The following BAIAP2L1 variants were observed in gnomAD, a reference collection of about 807,000 sequenced individuals.
BAIAP2L1 encodes the protein BAR/IMD domain-containing adapter protein 2-like 1.
BAIAP2L1 carries 35 observed loss-of-function variants against 66.3 expected under a neutral mutation model. The ratio of observed to expected loss-of-function variants is 0.53; its 90% CI spans 0.40 to 0.70. The LOEUF is 0.70. Among genes scored for constraint, BAIAP2L1 ranks in the 30% least tolerant of loss-of-function variants. BAIAP2L1 has a pLI of 0.00. For missense variants in BAIAP2L1, 622 were observed against 656.9 expected (o/e 0.95, Z 0.58); for synonymous variants, 269 against 248.7 (o/e 1.08, Z -0.77).
At chr7:98,352,487 T>C (rs767736205) in intron 3 of BAIAP2L1, among the ~76,000 whole-genome samples, 2 of 151,722 alleles carry the variant, frequency 1.3e-5, no homozygotes, top group Admixed American at 6.6e-5. Flanking sequence ...ACTAAAAATA[T>C]GAAAATTAGC....
intron 3 of BAIAP2L1, among the ~76,000 whole-genome samples, chr7:98,354,462 C>T (rs1859482): frequency 0.39 from 58,539 of 152,036 alleles, 12,648 homozygotes; most frequent in Middle Eastern, 0.55. Context: ...TGTGTGGGGC[C>T]GTTTTAAAAG....
At chr7:98,367,415 G>C (rs1314023258) in intron 1 of BAIAP2L1, among the ~76,000 whole-genome samples, 1 of 152,042 alleles carries the variant, frequency 6.6e-6, no homozygotes. Flanking sequence ...CTGTTGCCCA[G>C]GTTGGAGTGC....
At chr7:98,312,387 G>T in intron 7 of BAIAP2L1, 123 bp from the exon 8 acceptor site, 2 of 1,085,060 alleles carry the variant, frequency 1.8e-6, no homozygotes, top group Non-Finnish European at 2.6e-6. Context: ...TGGGGGCCCT[G>T]GGTTAAACTC....
At chr7:98,400,667 G>T (rs944932627) in intron 1 of BAIAP2L1, 135 bp downstream of exon 1, 4 of 1,002,582 alleles carry the variant, frequency 4.0e-6, no homozygotes, top group African/African-American at 3.3e-5. Context: ...GGGAGGAGTG[G>T]GAGAGACCGG....
Position 98,393,885 on chromosome 7 carries a change from C to T in BAIAP2L1, c.51+6917G>A, listed in dbSNP as rs1263246990. ...TTGGGAGGCCGAGGCGGGCGGATCA[C>T]CTGAAGTCGGGAGTTCGAGACCAGC... On this transcript the variant is annotated intron_variant, in intron 1 of 13. Transcript: ENST00000005260. 4.1e-5 allele frequency among the ~76,000 whole-genome samples: 6 copies of T among 148,084 alleles called. 1 individual carries two copies. The South Asian group carries it at 1.1e-3, about 26-fold the overall frequency.
At chr7:98,318,434 G>A (rs1049149370) in intron 5 of BAIAP2L1, among the ~76,000 whole-genome samples, 14 of 151,784 alleles carry the variant, frequency 9.2e-5, no homozygotes, top group African/African-American at 3.4e-4. Flanking sequence ...GATTACAGGC[G>A]CACACAACCA....
chr7:98,328,761 G>A (rs76674306), intron 3 of BAIAP2L1, among the ~76,000 whole-genome samples: 166 of 151,520 alleles, frequency 1.1e-3, no homozygotes, highest in Non-Finnish European at 2.2e-3. Flanking sequence ...TTTTCTAGGC[G>A]AGTACTTGTT....
intron 10 of BAIAP2L1, chr7:98,307,086 A>C (rs1800687487): frequency 6.2e-6 from 1 of 160,640 alleles, no homozygotes; most frequent in African/African-American, 2.4e-5. Context: ...TCTGATATGC[A>C]GATTATCTTC....
intron 1 of BAIAP2L1, chr7:98,385,825 C>T (rs1802877011): frequency 6.5e-7 from 1 of 1,535,128 alleles, no homozygotes; most frequent in South Asian, 1.1e-5. Context: ...TGGTTCATAT[C>T]CATCAGCTCG....
intron 1 of BAIAP2L1, among the ~76,000 whole-genome samples, chr7:98,366,244 C>T (rs1469394630): frequency 6.6e-6 from 1 of 152,206 alleles, no homozygotes; most frequent in Non-Finnish European, 1.5e-5. Flanking sequence ...GTTCTGCCTC[C>T]TCCACCCTTG....
chr7:98,362,819 T>C (rs1584486536), intron 1 of BAIAP2L1, among the ~76,000 whole-genome samples: 1 of 152,204 alleles, frequency 6.6e-6, no homozygotes, highest in Admixed American at 6.5e-5. Context: ...ATCAGCTACC[T>C]GTACTTACTT....
chr7:98,298,734 A>G (rs1010999425), intron 12 of BAIAP2L1, among the ~76,000 whole-genome samples: 4 of 152,212 alleles, frequency 2.6e-5, no homozygotes, highest in Non-Finnish European at 4.4e-5. Context: ...TGGTTAGGGA[A>G]AGCTAAGTTA....
intron 3 of BAIAP2L1, among the ~76,000 whole-genome samples, chr7:98,331,465 C>CTT (rs34202570): frequency 0.4 from 45,827 of 115,396 alleles, 10,067 homozygotes; most frequent in Non-Finnish European, 0.49. Context: ...AAAGAAAAAT[C>CTT]TTTTTTTTTT....
chr7:98,359,336 G>A (rs983443700), intron 2 of BAIAP2L1, among the ~76,000 whole-genome samples: 8 of 147,876 alleles, frequency 5.4e-5, no homozygotes, highest in Non-Finnish European at 1.2e-4. Context: ...GCAATGGCAC[G>A]ATCTCTGCTC....
chr7:98,350,977 C>T (rs993867111), intron 3 of BAIAP2L1, among the ~76,000 whole-genome samples: 6 of 152,276 alleles, frequency 3.9e-5, no homozygotes, highest in South Asian at 2.1e-4. Flanking sequence ...CTGTATCAGC[C>T]TCTCAAGTAG....
intron 7 of BAIAP2L1, among the ~76,000 whole-genome samples, chr7:98,315,186 A>G (rs746425797): frequency 1.6e-4 from 24 of 152,208 alleles, no homozygotes; most frequent in Admixed American, 5.9e-4. Context: ...CAGTGGCACA[A>G]TCATGGCTCA....
In BAIAP2L1 at chr7:98,323,651, C is replaced by T. The variant is rs1192037538; in HGVS notation, c.215-3353G>A. 2.6e-5 allele frequency among the ~76,000 whole-genome samples: 4 copies of T among 152,236 alleles called. No homozygotes were observed. In the South Asian group the frequency reaches 6.2e-4, roughly 24 times the overall value. On this transcript the variant is annotated intron_variant, in intron 3 of 13. Transcript: ENST00000005260. ...CTCTGGGCACGCTCCATGCTCCTGC[C>T]CGTGGCTTCCCGCAGCATGGCGGAG...
At chr7:98,308,001 A>G in intron 9 of BAIAP2L1, 105 bp from the exon 10 acceptor site, 2 of 1,099,140 alleles carry the variant, frequency 1.8e-6, no homozygotes, top group Non-Finnish European at 2.8e-6. Flanking sequence ...TCTTGCCAAC[A>G]ATGCTCCTTC....
chr7:98,387,703 GAAAA>G (rs3062634), intron 1 of BAIAP2L1, among the ~76,000 whole-genome samples: 1 of 145,390 alleles, frequency 6.9e-6, no homozygotes, highest in African/African-American at 2.5e-5. Flanking sequence ...GTCTCTACAA[GAAAA>G]AAAAAAAAAA....
Sources: allele counts gnomAD v4.1 joint callset (sites outside exome capture counted in the v4.1 genomes callset), GRCh38; gene constraint gnomAD v4.1.1; transcripts MANE v1.5; gene names NCBI Gene and HGNC (gene_info 2026-07-23, HGNC 2026-07-21).